Variants in MACROD2 observed in about 807,000 individuals in gnomAD.
MACROD2 encodes the protein ADP-ribose glycohydrolase MACROD2.
MACROD2 carries 36 observed loss-of-function variants against 70.4 expected under a neutral mutation model. The ratio of observed to expected loss-of-function variants is 0.51; its 90% CI spans 0.39 to 0.68. The LOEUF (loss-of-function observed/expected upper bound fraction) is 0.68, where lower values mean the gene tolerates loss of function less well. Ranked by LOEUF, MACROD2 falls within the 30% of genes least tolerant of loss-of-function variation. MACROD2 has a pLI of 0.00. For missense variants in MACROD2, 496 were observed against 538.4 expected (o/e 0.92, Z 0.78); for synonymous variants, 172 against 178.8 (o/e 0.96, Z 0.30).
chr20:14,680,111 A>G (rs137923347), intron 4 of MACROD2, among the ~76,000 whole-genome samples: 2 of 152,252 alleles, frequency 1.3e-5, no homozygotes, highest in African/African-American at 4.8e-5. Flanking sequence ...AAACCACAGG[A>G]CTGAATTCAG....
At chr20:15,470,080 T>C (rs992276197) in intron 7 of MACROD2, among the ~76,000 whole-genome samples, 1 of 152,148 alleles carries the variant, frequency 6.6e-6, no homozygotes, top group Non-Finnish European at 1.5e-5. Flanking sequence ...GACAGAGTCT[T>C]GCTCTGTCAC....
At chr20:15,721,005 T>C (rs1424445669) in intron 8 of MACROD2, among the ~76,000 whole-genome samples, 1 of 152,098 alleles carries the variant, frequency 6.6e-6, no homozygotes, top group Non-Finnish European at 1.5e-5. Flanking sequence ...TATTGGGGGG[T>C]TAATTAATGC....
At chr20:14,738,062 T>C (rs568249611) in intron 5 of MACROD2, among the ~76,000 whole-genome samples, 1 of 146,504 alleles carries the variant, frequency 6.8e-6, no homozygotes, top group South Asian at 2.2e-4. Flanking sequence ...AACTGTTTTG[T>C]TTTTCTCAAC....
chr20:14,889,407 C>CTGTA (rs1208869273), intron 5 of MACROD2, among the ~76,000 whole-genome samples: 2 of 151,764 alleles, frequency 1.3e-5, no homozygotes, highest in Admixed American at 1.3e-4. Context: ...CTAACTACAG[C>CTGTA]TGTAAATGGA....
At chr20:14,073,951 C>T (rs181557725) in intron 2 of MACROD2, among the ~76,000 whole-genome samples, 2 of 152,278 alleles carry the variant, frequency 1.3e-5, no homozygotes, top group Non-Finnish European at 2.9e-5. Context: ...CTTGTCAGAC[C>T]TTCGTTGTCC....
At chr20:14,831,566 G>A (rs553353854) in intron 5 of MACROD2, among the ~76,000 whole-genome samples, 2 of 151,494 alleles carry the variant, frequency 1.3e-5, no homozygotes, top group Non-Finnish European at 2.9e-5. Context: ...ATCACCTGAG[G>A]TCGGGAGTTT....
chr20:13,998,906 G>A (rs910973574), intron 1 of MACROD2, among the ~76,000 whole-genome samples: 77 of 146,956 alleles, frequency 5.2e-4, no homozygotes, highest in Non-Finnish European at 8.3e-4. Context: ...AGTGAGCTAA[G>A]ATCGCGCCAC....
chr20:15,943,455 T>C (rs952504010), intron 12 of MACROD2, among the ~76,000 whole-genome samples: 1 of 152,180 alleles, frequency 6.6e-6, no homozygotes, highest in African/African-American at 2.4e-5. Context: ...TCCTGTGCCC[T>C]GGATCTGCAT....
At chr20:14,888,290 C>G (rs2073706853) in intron 5 of MACROD2, 1 of 152,326 alleles carries the variant, frequency 6.6e-6, no homozygotes, top group African/African-American at 2.4e-5. Flanking sequence ...CAGCCATCCT[C>G]TCTTCTGCTC....
chr20:14,763,987 G>C (rs1424814234), intron 5 of MACROD2, among the ~76,000 whole-genome samples: 1 of 152,030 alleles, frequency 6.6e-6, no homozygotes, highest in African/African-American at 2.4e-5. Context: ...TCTGCACTGA[G>C]TATTTCCAGT....
chr20:14,536,663 GCA>G (rs1221122932), intron 4 of MACROD2, among the ~76,000 whole-genome samples: 13 of 151,182 alleles, frequency 8.6e-5, no homozygotes, highest in Admixed American at 6.6e-4. Context: ...GTGTGTGTGT[GCA>G]TGCATGTGTG....
At chr20:15,197,337 T>C (rs182207567) in intron 5 of MACROD2, among the ~76,000 whole-genome samples, 27 of 152,150 alleles carry the variant, frequency 1.8e-4, no homozygotes, top group East Asian at 5.8e-4. Flanking sequence ...TATATATATA[T>C]GTGTTTTCAT....
At chr20:15,366,764 T>G (rs2045415677) in intron 6 of MACROD2, among the ~76,000 whole-genome samples, 1 of 151,962 alleles carries the variant, frequency 6.6e-6, no homozygotes, top group South Asian at 2.1e-4. Context: ...TCTTGCTATG[T>G]TGCCCAGGCT....
intron 12 of MACROD2, among the ~76,000 whole-genome samples, chr20:15,947,816 C>G (rs1285939903): frequency 1.3e-5 from 2 of 152,188 alleles, no homozygotes; most frequent in Non-Finnish European, 2.9e-5. Flanking sequence ...AGAGACTTCA[C>G]ATGACTCTAG....
intron 2 of MACROD2, among the ~76,000 whole-genome samples, chr20:14,021,091 A>G (rs1030957254): frequency 6.2e-5 from 9 of 146,140 alleles, no homozygotes; most frequent in Middle Eastern, 3.7e-3. Flanking sequence ...CCAGGTTCAC[A>G]CCATTCTCCT....
intron 10 of MACROD2, among the ~76,000 whole-genome samples, chr20:15,932,312 G>T (rs984425996): frequency 6.6e-6 from 1 of 152,070 alleles, no homozygotes; most frequent in Non-Finnish European, 1.5e-5. Context: ...GCCAGGTCTT[G>T]CAGGGTAGCT....
rs77021457 is a variant in MACROD2, at chr20:15,553,904, T to G, written c.645+54057T>G. Among the ~76,000 whole-genome samples the G allele has an allele frequency of 3.3e-4, 50 of 152,324 alleles. No individual in the cohort carries two copies. In the East Asian group the frequency reaches 9.6e-3, roughly 29 times the overall value. On this transcript the variant is annotated intron_variant, in intron 8 of 17. Coordinates refer to ENST00000684519, the MANE Select transcript of MACROD2 (RefSeq NM_001351661.2). ...ACTGTTTAGGCCTGGAGACTTCATC[T>G]GAAGAGTTACAGCAGACAAGAAGCA...
At chr20:14,666,028 AC>A (rs1157495203) in intron 4 of MACROD2, among the ~76,000 whole-genome samples, 2 of 152,106 alleles carry the variant, frequency 1.3e-5, no homozygotes, top group Non-Finnish European at 2.9e-5. Flanking sequence ...TTTTAAAAAA[AC>A]CCAGATTCCT....
intron 8 of MACROD2, among the ~76,000 whole-genome samples, chr20:15,682,661 A>G (rs2146860860): frequency 6.6e-6 from 1 of 152,350 alleles, no homozygotes; most frequent in African/African-American, 2.4e-5. Flanking sequence ...TTTATCAAAC[A>G]ACACATTTAA....
Sources: gnomAD v4.1 joint callset for allele counts (sites outside exome capture counted in the v4.1 genomes callset) on GRCh38, gnomAD v4.1.1 for gene constraint, MANE v1.5 for transcripts, NCBI Gene and HGNC (gene_info 2026-07-23, HGNC 2026-07-21) for gene names.